Variants in MRPS6 observed in about 807,000 individuals in gnomAD.
MRPS6 encodes the protein mitochondrial ribosomal protein S6, also known as small ribosomal subunit protein bS6m.
In MRPS6, 6 loss-of-function variants were observed where a neutral mutation model predicts 13.1. The ratio of observed to expected loss-of-function variants is 0.46; its 90% confidence interval spans 0.25 to 0.91. The LOEUF (loss-of-function observed/expected upper bound fraction) is 0.91, where lower values mean the gene tolerates loss of function less well. Among genes scored for constraint, MRPS6 ranks in the 40% least tolerant of loss-of-function variants. MRPS6 has a pLI of 0.18. For synonymous variants in MRPS6, 61 were observed against 56.5 expected (o/e 1.08, Z -0.36); for missense variants, 164 against 155.6 (o/e 1.05, Z -0.29).
intron 1 of MRPS6, chr21:34,095,860 C>T (rs767330850): frequency 1.9e-6 from 3 of 1,614,062 alleles, no homozygotes; most frequent in Admixed American, 3.3e-5. Context: ...ATGTTGGCCT[C>T]ACCCGATGTC....
intron 1 of MRPS6, among the ~76,000 whole-genome samples, chr21:34,083,151 G>A (rs1199287227): frequency 6.6e-6 from 1 of 152,178 alleles, no homozygotes; most frequent in Non-Finnish European, 1.5e-5. Flanking sequence ...TTTGTCAGGT[G>A]AAGAAACCAA....
In MRPS6 at chr21:34,096,341, T is replaced by C. The variant is rs766020208; in HGVS notation, c.45+22596T>C. ...CAGCTCTGATGAGTGACTTAGACTC[T>C]ATCTTTAACAGTGCCAGTACCATAT... is the stretch of plus-strand genomic sequence containing the variant. On this transcript the variant is annotated intron_variant, in intron 1 of 2. Coordinates refer to ENST00000399312, the MANE Select transcript of MRPS6 (RefSeq NM_032476.4). The surrounding 1 kb of genome is among the most constrained non-coding windows in gnomAD (Gnocchi z 5.9). The C allele has an allele frequency of 1.2e-6, 2 of 1,614,030 alleles. No homozygotes were observed. The highest frequency in any genetic ancestry group is 1.3e-5 in the African/African-American group (1 of 74,922).
chr21:34,097,157 G>C (rs767101776), intron 1 of MRPS6: 1 of 1,614,056 alleles, frequency 6.2e-7, no homozygotes, highest in Non-Finnish European at 8.5e-7. Flanking sequence ...ATGGAGGTCG[G>C]TACTGGAAGT....
At chr21:34,137,991 G>A (rs1161807106) in intron 2 of MRPS6, among the ~76,000 whole-genome samples, 2 of 152,058 alleles carry the variant, frequency 1.3e-5, no homozygotes, top group Non-Finnish European at 2.9e-5. Context: ...TATGATAGTA[G>A]TGAATTTGCT....
chr21:34,108,269 G>GT (rs1415626482), intron 1 of MRPS6, among the ~76,000 whole-genome samples: 4 of 152,104 alleles, frequency 2.6e-5, no homozygotes, highest in Non-Finnish European at 1.5e-5. Context: ...TGGGTATACC[G>GT]TTTTTTATCT....
chr21:34,138,535 C>A (rs1377647340), intron 2 of MRPS6, among the ~76,000 whole-genome samples: 1 of 151,952 alleles, frequency 6.6e-6, no homozygotes, highest in African/African-American at 2.4e-5. Flanking sequence ...AGGACATGAA[C>A]AGACACTTCT....
intron 1 of MRPS6, among the ~76,000 whole-genome samples, chr21:34,110,595 C>CCATAAAAAAAAAAAAAAAA: frequency 6.6e-6 from 1 of 152,266 alleles, no homozygotes; most frequent in African/African-American, 2.4e-5. Context: ...TAAAATGACA[C>CCATAAAAAAAAAAAAAAAA]ATGTATGGTG....
chr21:34,134,642 C>A, intron 2 of MRPS6, among the ~76,000 whole-genome samples: 1 of 152,282 alleles, frequency 6.6e-6, no homozygotes, highest in South Asian at 2.1e-4. Flanking sequence ...CCTCCTCCTT[C>A]GATTCCTTCC....
intron 1 of MRPS6, chr21:34,100,304 T>G (rs904215297): frequency 4.0e-6 from 4 of 1,000,140 alleles, no homozygotes; most frequent in African/African-American, 3.5e-5. Context: ...GCAGGATGAT[T>G]ATTGCATATT....
rs903836608 is a variant in MRPS6 at position 34,122,007 on chromosome 21, A to G, written c.46-3334A>G. Among the ~76,000 whole-genome samples the G allele has an allele frequency of 5.3e-5, 8 of 152,272 alleles. No homozygotes were observed. The East Asian group carries it at 7.7e-4, about 15-fold the overall frequency. ...CCTGATGACACATCCAGTGAGGAAT[A>G]CACCCTCTATACGTCAGTCAGTGGC... On this transcript the variant is annotated intron_variant, in intron 1 of 2. Coordinates refer to ENST00000399312, the MANE Select transcript of MRPS6 (RefSeq NM_032476.4).
At chr21:34,095,414 A>C in intron 1 of MRPS6, 1 of 1,614,094 alleles carries the variant, frequency 6.2e-7, no homozygotes, top group African/African-American at 1.3e-5. Flanking sequence ...CAGGATCTGG[A>C]GCTGCAAGTG....
chr21:34,096,241 A>G lies in MRPS6; in HGVS notation c.45+22496A>G, dbSNP rs756396412. On this transcript the variant is annotated intron_variant, in intron 1 of 2. Coordinates refer to ENST00000399312, the MANE Select transcript of MRPS6 (RefSeq NM_032476.4). The surrounding 1 kb of genome is among the most constrained non-coding windows in gnomAD (Gnocchi z 5.9). Reference sequence around the variant, plus strand: ...TGTGGAAGCAGAGCTGGTTGCTCCAATATTGCTTACCCACGCCTGGTGATG... The same window carrying G: ...TGTGGAAGCAGAGCTGGTTGCTCCAGTATTGCTTACCCACGCCTGGTGATG... 8.1e-6 allele frequency: 13 copies of G among 1,614,126 alleles called. No homozygotes were observed. Among genetic ancestry groups the G allele is most frequent in the Admixed American group, 1.7e-5 (1 of 60,016 alleles).
At chr21:34,079,602 ATTTTTTTTTTTTTTTTT>A (rs398036389) in intron 1 of MRPS6, among the ~76,000 whole-genome samples, 5 of 43,680 alleles carry the variant, frequency 1.1e-4, no homozygotes, top group South Asian at 2.1e-3. Context: ...GACCCAGCTA[ATTTTTTTTTTTTTTTTT>A]TTTTTTTTTT....
intron 2 of MRPS6, among the ~76,000 whole-genome samples, chr21:34,140,038 C>G (rs1397689378): frequency 2.0e-5 from 3 of 152,110 alleles, no homozygotes; most frequent in African/African-American, 7.2e-5. Flanking sequence ...AACAGTCTGG[C>G]TATAGAGGCA....
At chr21:34,088,783 TATCTC>T (rs1016985592) in intron 1 of MRPS6, among the ~76,000 whole-genome samples, 2 of 152,222 alleles carry the variant, frequency 1.3e-5, no homozygotes, top group African/African-American at 2.4e-5. Flanking sequence ...TAATTGTACT[TATCTC>T]ATGATTGTTA....
chr21:34,077,257 A>T (rs1356712230), intron 1 of MRPS6, among the ~76,000 whole-genome samples: 2 of 152,264 alleles, frequency 1.3e-5, no homozygotes, highest in Non-Finnish European at 2.9e-5. Flanking sequence ...TATAATGTAG[A>T]GGAGCTTAGG....
intron 1 of MRPS6, among the ~76,000 whole-genome samples, chr21:34,094,038 T>G (rs1978848456): frequency 6.6e-6 from 1 of 152,242 alleles, no homozygotes; most frequent in Non-Finnish European, 1.5e-5. Flanking sequence ...CTTTAGTCAG[T>G]GCCGTTATCC....
chr21:34,098,891 T>C (rs1743243757), intron 1 of MRPS6: 1 of 998,420 alleles, frequency 1.0e-6, no homozygotes, highest in Non-Finnish European at 1.2e-6. Context: ...TCTTTGACCT[T>C]CTTTAATCTC....
intron 1 of MRPS6, among the ~76,000 whole-genome samples, chr21:34,119,368 CAA>C (rs1269614397): frequency 6.6e-6 from 1 of 152,140 alleles, no homozygotes; most frequent in East Asian, 1.9e-4. Context: ...GTGAGAATGT[CAA>C]TGCAGAATTC....
Sources: gnomAD v4.1 joint callset for allele counts (sites outside exome capture counted in the v4.1 genomes callset) on GRCh38, gnomAD v4.1.1 for gene constraint, Gnocchi (gnomAD v3.1) non-coding constraint, MANE v1.5 for transcripts, NCBI Gene and HGNC (gene_info 2026-07-23, HGNC 2026-07-21) for gene names.